The following RILPL2 variants were observed in gnomAD, a reference collection of about 807,000 sequenced individuals.
RILPL2 encodes the protein Rab interacting lysosomal protein like 2.
In RILPL2, 19 loss-of-function variants were observed where a neutral mutation model predicts 22.2. The observed-to-expected ratio is 0.86, with a 90% CI of 0.60 to 1.25. RILPL2 has a LOEUF of 1.25. Among genes scored for constraint, RILPL2 ranks in the 50% most tolerant of loss-of-function variants. The pLI, the probability that RILPL2 is intolerant of heterozygous loss-of-function variation, is 0.00. For synonymous variants in RILPL2, 123 were observed against 111.6 expected (o/e 1.10, Z -0.64); for missense variants, 243 against 263.6 (o/e 0.92, Z 0.54).
rs1169139613 is a variant in RILPL2, at chr12:123,415,791, G to A, written c.*100C>T. Reference sequence around the variant, plus strand: ...GCTTTGAAGGGGAAATAAATACACAGGCCTAGTGTGTCTGTGTGGCACAGG... The same window carrying A: ...GCTTTGAAGGGGAAATAAATACACAAGCCTAGTGTGTCTGTGTGGCACAGG... On this transcript the variant is annotated 3_prime_UTR_variant, in exon 4 of 4. Coordinates refer to ENST00000280571, the MANE Select transcript of RILPL2 (RefSeq NM_145058.3). 1 of 1,127,488 alleles carries A rather than the reference G, an allele frequency of 8.9e-7. No homozygotes were observed. The highest frequency in any genetic ancestry group is 1.5e-5 in the African/African-American group (1 of 65,570). 69.8% of individuals were successfully genotyped at this position (1,127,488 alleles called of 1,614,324 possible).
Position 123,436,353 on chromosome 12 carries a change from ACCTCGTCCCTCT to A in RILPL2, c.56_67del (p.Glu19_Glu22del). ...CTTGCCCAGCGCCCCCTCGGGCCCA[ACCTCGTCCCTCT>A]CCTCGTCCTCCTCTCCCTCCTCCTC... is the stretch of plus-strand genomic sequence containing the variant. On this transcript the variant is annotated inframe_deletion, in exon 1 of 4. Transcript: ENST00000280571. This position sits in a 1 kb window ranked among gnomAD's most constrained non-coding sequence, Gnocchi z 6.7. 6.4e-7 allele frequency: 1 copy of A among 1,558,814 alleles called. No individual in the cohort carries two copies. Among genetic ancestry groups the A allele is most frequent in the Non-Finnish European group, 8.7e-7 (1 of 1,151,380 alleles).
In RILPL2 at chr12:123,416,949, T is replaced by A. The variant is rs376951398; in HGVS notation, c.606-1028A>T. The stretch of plus-strand genomic sequence containing the variant: ...AATGAACACCTTCACTTCGGACACC[T>A]GGGTGGAGGTGCTCTTTCATTATCT... On this transcript the variant is annotated intron_variant, in intron 3 of 3. Coordinates refer to ENST00000280571, the MANE Select transcript of RILPL2 (RefSeq NM_145058.3). Among the ~76,000 whole-genome samples, 19 of 152,258 alleles carry A rather than the reference T, an allele frequency of 1.2e-4. No homozygotes were observed. The South Asian group carries it at 2.7e-3, about 22-fold the overall frequency.
In RILPL2 at chr12:123,436,150, T is replaced by A. The variant is rs1291298113; in HGVS notation, c.271A>T (p.Met91Leu). 6.2e-7 allele frequency: 1 copy of A among 1,604,538 alleles called. No homozygotes were observed. Residue 91 changes from methionine to leucine, a missense_variant, in exon 1 of 4, where the codon ATG becomes TTG. Coordinates refer to ENST00000280571, the MANE Select transcript of RILPL2 (RefSeq NM_145058.3). This position sits in a 1 kb window ranked among gnomAD's most constrained non-coding sequence, Gnocchi z 6.7. ...TCCTTCCTGAGGTGGTCCCTCTCCA[T>A]CTTCAGCTCCTCCAGCGCCAGGCTG... is the stretch of plus-strand genomic sequence containing the variant. Reference protein sequence around the residue: ...EGSLALEELKMERDHLRKEVE... With the variant: ...EGSLALEELKLERDHLRKEVE...
chr12:123,432,442 A>G (rs951328), intron 1 of RILPL2, among the ~76,000 whole-genome samples: 46,956 of 152,080 alleles, frequency 0.31, 7,748 homozygotes, highest in Non-Finnish European at 0.36. Flanking sequence ...GGAGGCTGAA[A>G]CTGCAGTGAG....
intron 2 of RILPL2, 59 bp from the exon 3 acceptor site, chr12:123,423,216 T>G: frequency 8.1e-7 from 1 of 1,241,806 alleles, no homozygotes; most frequent in Non-Finnish European, 1.1e-6. Context: ...TTTTTTTTTT[T>G]TTTGAGTTGG....
Position 123,417,347 on chromosome 12 carries a change from C to T in RILPL2, c.606-1426G>A, listed in dbSNP as rs139279439. The stretch of plus-strand genomic sequence containing the variant: ...AACACCCCCATTGGCCTTACTTTGA[C>T]CCTGTCTCCCAACCCTTCTCCACAA... On this transcript the variant is annotated intron_variant, in intron 3 of 3. Coordinates refer to ENST00000280571, the MANE Select transcript of RILPL2 (RefSeq NM_145058.3). Among the ~76,000 whole-genome samples, 144 of 151,864 alleles carry T rather than the reference C, an allele frequency of 9.5e-4. 4 individuals are homozygous for T. In the East Asian group the frequency reaches 0.027, roughly 29 times the overall value.
chr12:123,419,803 A>AT (rs1209780606), intron 3 of RILPL2, among the ~76,000 whole-genome samples: 4 of 145,228 alleles, frequency 2.8e-5, no homozygotes, highest in Admixed American at 6.9e-5. Flanking sequence ...TTATCTATTT[A>AT]TTTTTTTTCA....
chr12:123,423,091 G>A lies in RILPL2; in HGVS notation c.558C>T (p.Ala186=). 6.2e-7 allele frequency: 1 copy of A among 1,613,672 alleles called. No homozygotes were observed. The highest frequency in any genetic ancestry group is 8.5e-7 in the Non-Finnish European group (1 of 1,179,914). ...RREKDAVVTS[A]KNAGRNKEEK... ...CCTCCTTGTTCCTGCCAGCATTTTT[G>A]GCACTAGTAACCACAGCATCTTTTT... Residue 186 remains alanine (A), a synonymous_variant, in exon 3 of 4, where the codon GCC becomes GCT. Coordinates refer to ENST00000280571, the MANE Select transcript of RILPL2 (RefSeq NM_145058.3).
chr12:123,417,298 CAA>C (rs71737939), intron 3 of RILPL2, among the ~76,000 whole-genome samples: 18 of 127,044 alleles, frequency 1.4e-4, no homozygotes, highest in Admixed American at 1.6e-4. Flanking sequence ...GACCCCATCT[CAA>C]AAAAAAAAAA....
At chr12:123,430,314 C>T (rs1336978777) in intron 2 of RILPL2, among the ~76,000 whole-genome samples, 194 bp downstream of exon 2, 1 of 151,500 alleles carries the variant, frequency 6.6e-6, no homozygotes, top group Non-Finnish European at 1.5e-5. Flanking sequence ...GAGGCTGAGG[C>T]AGGAGAATGG....
Position 123,430,614 on chromosome 12 carries a change from T to G in RILPL2, c.385A>C (p.Asn129His). ...TCCTGCAGAGTGAAGCGGGGTCGGT[T>G]GGGATCTGTCAGGTCAACCACCATT... ...NKMVVDLTDP[N>H]RPRFTLQELR... Residue 129 changes from asparagine to histidine, a missense_variant, in exon 2 of 4, where the codon AAC (asparagine) becomes CAC (histidine). By Grantham distance (68) the Asn-to-His change is moderately conservative. Transcript: ENST00000280571. 6.2e-7 allele frequency: 1 copy of G among 1,610,874 alleles called. No individual in the cohort carries two copies. Among genetic ancestry groups the G allele is most frequent in the East Asian group, 2.2e-5 (1 of 44,662 alleles).
chr12:123,436,581 A>G lies in RILPL2; in HGVS notation c.-161T>C, dbSNP rs531290999. 31 of 1,196,098 alleles carry G rather than the reference A, an allele frequency of 2.6e-5. No homozygotes were observed. In the African/African-American group the frequency reaches 4.2e-4, roughly 16 times the overall value. The allele number at this position is 1,196,098 out of a possible 1,614,324, so 74.1% of individuals were successfully genotyped here. ...GGGGGGATGGTGCAAGGGGCCGCGC[A>G]CGCGACTCTTGGGCCTGCGCCCCGG... is the stretch of plus-strand genomic sequence containing the variant. On this transcript the variant is annotated 5_prime_UTR_variant, in exon 1 of 4. Coordinates refer to ENST00000280571, the MANE Select transcript of RILPL2 (RefSeq NM_145058.3). The surrounding 1 kb of genome is among the most constrained non-coding windows in gnomAD (Gnocchi z 6.7).
At chr12:123,421,021 C>T (rs566887315) in intron 3 of RILPL2, among the ~76,000 whole-genome samples, 13 of 151,806 alleles carry the variant, frequency 8.6e-5, no homozygotes, top group Middle Eastern at 3.4e-3. Context: ...CAAATGCTCA[C>T]TAAGTGGGAG....
chr12:123,428,651 A>G (rs867147575), intron 2 of RILPL2, among the ~76,000 whole-genome samples: 1 of 152,176 alleles, frequency 6.6e-6, no homozygotes, highest in South Asian at 2.1e-4. Flanking sequence ...CGTGATCTAA[A>G]TGCGGCGTGC....
At chr12:123,435,491 C>A (rs1371629672) in intron 1 of RILPL2, among the ~76,000 whole-genome samples, 2 of 152,140 alleles carry the variant, frequency 1.3e-5, no homozygotes, top group African/African-American at 2.4e-5. Flanking sequence ...ACAAGCCCAG[C>A]ACTTTGGGAG....
At chr12:123,422,938 G>A (rs1221194591) in intron 3 of RILPL2, 106 bp downstream of exon 3, 1 of 761,342 alleles carries the variant, frequency 1.3e-6, no homozygotes. Flanking sequence ...AACCGGGAGA[G>A]TAGAGGCCCT....
chr12:123,428,316 T>G (rs1376308377), intron 2 of RILPL2, among the ~76,000 whole-genome samples: 1 of 152,092 alleles, frequency 6.6e-6, no homozygotes, highest in East Asian at 1.9e-4. Context: ...TTTTGTATTT[T>G]TATTAGAGAC....
intron 1 of RILPL2, among the ~76,000 whole-genome samples, chr12:123,430,970 A>T (rs920407463): frequency 3.3e-5 from 5 of 151,990 alleles, no homozygotes; most frequent in Admixed American, 3.3e-4. Context: ...AAGTGCTGGG[A>T]TTACAGGCGT....
At chr12:123,434,599 T>C (rs1879738660) in intron 1 of RILPL2, among the ~76,000 whole-genome samples, 1 of 151,838 alleles carries the variant, frequency 6.6e-6, no homozygotes, top group Non-Finnish European at 1.5e-5. Flanking sequence ...AATTTTTTTC[T>C]GTAGTTTTAG....
Sources: allele counts gnomAD v4.1 joint callset (sites outside exome capture counted in the v4.1 genomes callset), GRCh38; gene constraint gnomAD v4.1.1; non-coding constraint Gnocchi (gnomAD v3.1); transcripts MANE v1.5; gene names NCBI Gene and HGNC (gene_info 2026-07-23, HGNC 2026-07-21).